GUCY1B1: variants seen among roughly 807,000 people sequenced by gnomAD.
GUCY1B1 encodes the protein guanylate cyclase 1 soluble subunit beta 1.
Under a neutral mutation model 71.0 loss-of-function variants are expected in GUCY1B1, and 43 were observed. The ratio of observed to expected loss-of-function variants is 0.61; its 90% CI spans 0.47 to 0.78. GUCY1B1 has a LOEUF of 0.78. GUCY1B1 is among the 30% of genes least tolerant of loss of function. GUCY1B1 has a pLI of 0.00. For missense variants in GUCY1B1, 535 were observed against 754.1 expected (o/e 0.71, Z 3.40); for synonymous variants, 266 against 259.7 (o/e 1.02, Z -0.23).
chr4:155,793,797 G>A (rs1739345546), intron 5 of GUCY1B1, 59 bp from the exon 6 acceptor site: 2 of 759,352 alleles, frequency 2.6e-6, no homozygotes, highest in African/African-American at 1.8e-5. Context: ...TTTATATTTA[G>A]GTATTTTTAT....
In GUCY1B1 at chr4:155,802,311, A is replaced by T; in HGVS notation, c.1176-31A>T. The T allele has an allele frequency of 6.2e-7, 1 of 1,613,044 alleles. No homozygotes were observed. The highest frequency in any genetic ancestry group is 8.5e-7 in the Non-Finnish European group (1 of 1,179,558). Reference sequence around the variant, plus strand: ...ACTAAAGGCTTTCCCAGTATTTCTTACAGTGGCTTTCTGCTGATCCCACTG... The same window carrying T: ...ACTAAAGGCTTTCCCAGTATTTCTTTCAGTGGCTTTCTGCTGATCCCACTG... On this transcript the variant is annotated intron_variant, in intron 9 of 13. Coordinates refer to ENST00000264424, the MANE Select transcript of GUCY1B1 (RefSeq NM_000857.5). This position sits in a 1 kb window ranked among gnomAD's most constrained non-coding sequence, Gnocchi z 4.3.
rs1205951415 is a variant in GUCY1B1, at chr4:155,759,258, C to A, written c.3+115C>A. 6 of 1,048,328 alleles carry A rather than the reference C, an allele frequency of 5.7e-6. No homozygotes were observed. The East Asian group carries it at 1.4e-4, about 24-fold the overall frequency. The allele number at this position is 1,048,328 out of a possible 1,614,324, so 64.9% of individuals were successfully genotyped here. A position where few individuals can be genotyped will look rare whatever the true frequency, so the allele number is the denominator to read the frequency against. ...CTCGGGGGCCCTGGGCGCTCACTGC[C>A]GGCCACGGGAGCAGCCTCACTCCTT... On this transcript the variant is annotated intron_variant, in intron 1 of 13. Coordinates refer to ENST00000264424, the MANE Select transcript of GUCY1B1 (RefSeq NM_000857.5).
intron 2 of GUCY1B1, among the ~76,000 whole-genome samples, chr4:155,767,238 T>C (rs553149899): frequency 6.6e-6 from 1 of 152,178 alleles, no homozygotes; most frequent in Non-Finnish European, 1.5e-5. Context: ...CTTTTTCTTT[T>C]TTCTTGGAAT....
rs115529739 is a variant in GUCY1B1 at position 155,772,843 on chromosome 4, G to A, written c.78-2125G>A. 604 of 697,924 alleles carry A rather than the reference G, an allele frequency of 8.7e-4. 2 individuals carry two copies. In the African/African-American group the frequency reaches 9.1e-3, roughly 11 times the overall value. The allele number at this position is 697,924 out of a possible 1,614,324, so 43.2% of individuals were successfully genotyped here. ...CAGAAAACATGCTTTTAAAAAAAAA[G>A]TTATGAATAAATGCAGGCAAATAAA... On this transcript the variant is annotated intron_variant, in intron 2 of 13. Transcript: ENST00000264424.
At chr4:155,800,767 G>T (rs375490642) in intron 9 of GUCY1B1, among the ~76,000 whole-genome samples, 1 of 152,212 alleles carries the variant, frequency 6.6e-6, no homozygotes, top group South Asian at 2.1e-4. Context: ...CTAATTAAAC[G>T]CACATCACTG....
intron 5 of GUCY1B1, 80 bp from the exon 6 acceptor site, chr4:155,793,776 A>G (rs1376836325): frequency 5.8e-6 from 4 of 684,146 alleles, no homozygotes; most frequent in South Asian, 1.8e-5. Context: ...TGCAGTATTC[A>G]TAACTCATTT....
Position 155,787,334 on chromosome 4 carries a change from T to A in GUCY1B1, c.298-2380T>A, listed in dbSNP as rs139159758. 1.1e-4 allele frequency among the ~76,000 whole-genome samples: 16 copies of A among 152,338 alleles called. No individual in the cohort carries two copies. In the East Asian group the frequency reaches 3.1e-3, roughly 29 times the overall value. On this transcript the variant is annotated intron_variant, in intron 4 of 13. Transcript: ENST00000264424. ...AGAGGCAATCCGGATGAACTGATGT[T>A]TTTGCTAAGAATTAGCTTGACTCCA...
At chr4:155,767,389 G>GT (rs1737409415) in intron 2 of GUCY1B1, among the ~76,000 whole-genome samples, 1 of 152,134 alleles carries the variant, frequency 6.6e-6, no homozygotes. Flanking sequence ...ATGAAGATTT[G>GT]TAAGTTTTGT....
At chr4:155,795,773 AAG>A (rs993052395) in intron 7 of GUCY1B1, among the ~76,000 whole-genome samples, 64 of 150,024 alleles carry the variant, frequency 4.3e-4, no homozygotes, top group African/African-American at 1.6e-3. Context: ...CAGAACTAAA[AAG>A]GATTTTTTTT....
chr4:155,787,931 T>TC (rs1296609630), intron 4 of GUCY1B1, among the ~76,000 whole-genome samples: 9 of 152,234 alleles, frequency 5.9e-5, no homozygotes, highest in African/African-American at 2.2e-4. Flanking sequence ...AGTACTTTCA[T>TC]TTTAGGTATG....
intron 5 of GUCY1B1, among the ~76,000 whole-genome samples, chr4:155,790,316 C>T (rs996283414): frequency 2.0e-5 from 3 of 152,088 alleles, no homozygotes; most frequent in African/African-American, 7.2e-5. Flanking sequence ...TTCTCTTTGT[C>T]GATTTTTGTC....
At position 155,806,704 on chromosome 4, in the gene GUCY1B1, A is replaced by AGTAGTAGGCACC. The variant is rs1740342466; in HGVS notation, c.*296_*307dup. On this transcript the variant is annotated 3_prime_UTR_variant, in exon 14 of 14. Coordinates refer to ENST00000264424, the MANE Select transcript of GUCY1B1 (RefSeq NM_000857.5). ...GCATTACCTAACATGGTGATCTGCAAGTAGTAGGCACCCAATAAATATTTG... is the reference window on the plus strand; with the variant it reads ...GCATTACCTAACATGGTGATCTGCAAGTAGTAGGCACCGTAGTAGGCACCCAATAAATATTTG... 1 of 346,580 alleles carries AGTAGTAGGCACC rather than the reference A, an allele frequency of 2.9e-6. No homozygotes were observed. The highest frequency in any genetic ancestry group is 2.1e-5 in the African/African-American group (1 of 47,358). The allele number at this position is 346,580 out of a possible 1,614,324, so 21.5% of individuals were successfully genotyped here.
chr4:155,772,960 T>G (rs545919976), intron 2 of GUCY1B1, among the ~76,000 whole-genome samples: 2 of 152,372 alleles, frequency 1.3e-5, no homozygotes, highest in East Asian at 1.9e-4. Flanking sequence ...ATTTTTCCCT[T>G]GAGCATACAC....
chr4:155,804,479 T>G, intron 11 of GUCY1B1, 114 bp from the exon 12 acceptor site: 3 of 757,860 alleles, frequency 4.0e-6, no homozygotes, highest in Non-Finnish European at 6.7e-6. Flanking sequence ...TATATACCTA[T>G]GTAACAAACC....
chr4:155,786,933 A>AAC lies in GUCY1B1; in HGVS notation c.298-2777_298-2776dup, dbSNP rs1373645875. 2.6e-5 allele frequency among the ~76,000 whole-genome samples: 4 copies of AAC among 152,274 alleles called. No homozygotes were observed. In the East Asian group the frequency reaches 7.7e-4, roughly 29 times the overall value. ...CAATTTCTTTTTTAAGTGAGCCAAC[A>AAC]ACACAGTACCTGGGCCTGACTCTAT... On this transcript the variant is annotated intron_variant, in intron 4 of 13. Transcript: ENST00000264424.
intron 4 of GUCY1B1, among the ~76,000 whole-genome samples, chr4:155,786,100 G>A (rs1738745504): frequency 6.9e-6 from 1 of 145,384 alleles, no homozygotes; most frequent in South Asian, 2.3e-4. Flanking sequence ...AGTCGTTATT[G>A]CCTTATGCCA....
chr4:155,776,042 A>G (rs1738021061), intron 3 of GUCY1B1, among the ~76,000 whole-genome samples: 1 of 152,230 alleles, frequency 6.6e-6, no homozygotes, highest in Non-Finnish European at 1.5e-5. Context: ...GCCTCCAGCA[A>G]TCAAAATTGA....
intron 4 of GUCY1B1, among the ~76,000 whole-genome samples, 163 bp from the exon 5 acceptor site, chr4:155,789,551 T>C (rs1386289722): frequency 6.6e-6 from 1 of 152,258 alleles, no homozygotes; most frequent in Non-Finnish European, 1.5e-5. Flanking sequence ...CTGTGGCACT[T>C]GCTTTACAGA....
At chr4:155,806,365 C>G in intron 13 of GUCY1B1, 21 bp from the exon 14 acceptor site, 1 of 1,565,270 alleles carries the variant, frequency 6.4e-7, no homozygotes, top group Non-Finnish European at 8.8e-7. Context: ...ATCAATCCCT[C>G]TTTTCTTCTG....
Sources: allele counts gnomAD v4.1 joint callset (sites outside exome capture counted in the v4.1 genomes callset), GRCh38; gene constraint gnomAD v4.1.1; non-coding constraint Gnocchi (gnomAD v3.1); transcripts MANE v1.5; gene names NCBI Gene and HGNC (gene_info 2026-07-23, HGNC 2026-07-21).